VWA3A: variants seen among roughly 807,000 people sequenced by gnomAD.
VWA3A encodes von Willebrand factor A domain-containing protein 3A.
In VWA3A, 134 loss-of-function variants were observed where a neutral mutation model predicts 160.4. The ratio of observed to expected loss-of-function variants is 0.84; its 90% CI spans 0.73 to 0.96. The LOEUF is 0.96. Ranked by LOEUF, VWA3A falls within the 40% of genes least tolerant of loss-of-function variation. The probability of loss-of-function intolerance (pLI) is 0.00; values close to 1 mark genes in which losing one functional copy is unlikely to be tolerated. For missense variants in VWA3A, 1,310 were observed against 1,447.9 expected (o/e 0.90, Z 1.55); for synonymous variants, 476 against 543.4 (o/e 0.88, Z 1.72).
chr16:22,123,353 T>TAA (rs889354040), intron 15 of VWA3A, 188 bp downstream of exon 15: 164 of 1,005,800 alleles, frequency 1.6e-4, no homozygotes, highest in Middle Eastern at 2.3e-4. Context: ...TCAATGCCTT[T>TAA]AAAAAAAAAA....
intron 31 of VWA3A, among the ~76,000 whole-genome samples, chr16:22,154,323 C>CT (rs988862954): frequency 0.02 from 1,472 of 73,750 alleles, 10 homozygotes; most frequent in Non-Finnish European, 0.026. Flanking sequence ...TTTTCTTTTT[C>CT]TTTTTTTTTT....
At chr16:22,126,612 A>G (rs997247383) in intron 17 of VWA3A, among the ~76,000 whole-genome samples, 1 of 152,158 alleles carries the variant, frequency 6.6e-6, no homozygotes, top group African/African-American at 2.4e-5. Context: ...GAGGAAAGGA[A>G]GGACCCCAGC....
At chr16:22,106,340 G>A (rs1014485590) in intron 6 of VWA3A, among the ~76,000 whole-genome samples, 10 of 151,998 alleles carry the variant, frequency 6.6e-5, no homozygotes, top group South Asian at 2.1e-4. Flanking sequence ...AGCCGAGATC[G>A]TGCCACTGCA....
At position 22,141,825 on chromosome 16, in the gene VWA3A, G is replaced by A. The variant is rs138585970; in HGVS notation, c.2494+133G>A. 929 of 674,360 alleles carry A rather than the reference G, an allele frequency of 1.4e-3. 12 individuals carry two copies. In the African/African-American group the frequency reaches 0.014, roughly 10 times the overall value. The allele number at this position is 674,360 out of a possible 1,614,324, so 41.8% of individuals were successfully genotyped here. On this transcript the variant is annotated intron_variant, in intron 24 of 33. Coordinates refer to ENST00000389398, the MANE Select transcript of VWA3A (RefSeq NM_173615.5). ...GGCACTGGTGCCTCTGGAGCAAGCC[G>A]TACTCAACTCAGTTCTCCCAGCCCT...
rs770796122 is a variant in VWA3A, at chr16:22,115,423, A to T, written c.766A>T (p.Ile256Phe). The T allele has an allele frequency of 2.0e-5, 32 of 1,606,874 alleles. No individual in the cohort carries two copies. Among genetic ancestry groups the T allele is most frequent in the Non-Finnish European group, 2.5e-5 (30 of 1,176,794 alleles). The change falls in exon 9 of 34, where the codon ATC becomes TTC. Residue 256 changes from isoleucine (I) to phenylalanine (F), a missense_variant. Ile to Phe is a conservative substitution (Grantham distance 21). Coordinates refer to ENST00000389398, the MANE Select transcript of VWA3A (RefSeq NM_173615.5). ...GSNLLQALKK[I>F]FTLKGLDSLV... The stretch of plus-strand genomic sequence containing the variant: ...CAACCTGCTACAAGCTCTGAAGAAG[A>T]TCTTCACTCTCAAGGGACTGGATTC...
intron 3 of VWA3A, 146 bp from the exon 4 acceptor site, chr16:22,100,048 C>T: frequency 1.0e-6 from 1 of 1,000,394 alleles, no homozygotes; most frequent in Non-Finnish European, 1.4e-6. Context: ...GCACTCTAGC[C>T]TTGGTGACAA....
intron 3 of VWA3A, among the ~76,000 whole-genome samples, chr16:22,099,257 A>C (rs1288514212): frequency 6.6e-6 from 1 of 152,210 alleles, no homozygotes; most frequent in Non-Finnish European, 1.5e-5. Context: ...CAAGGGCAGG[A>C]CATTTGTTAG....
At chr16:22,111,164 C>T (rs1598054924) in intron 8 of VWA3A, among the ~76,000 whole-genome samples, 170 bp downstream of exon 8, 2 of 152,202 alleles carry the variant, frequency 1.3e-5, no homozygotes, top group Admixed American at 1.3e-4. Context: ...TGTCTACCCT[C>T]GTGAGCGGTT....
At chr16:22,145,783 A>C (rs1309689371) in intron 26 of VWA3A, among the ~76,000 whole-genome samples, 6 of 152,116 alleles carry the variant, frequency 3.9e-5, no homozygotes, top group East Asian at 3.8e-4. Context: ...TTTAAACAAA[A>C]AAAAAAAATA....
At chr16:22,116,991 C>T in intron 10 of VWA3A, 120 bp from the exon 11 acceptor site, 2 of 1,423,286 alleles carry the variant, frequency 1.4e-6, no homozygotes, top group South Asian at 2.5e-5. Flanking sequence ...GTCCCTGTGC[C>T]TGGTTCTCCC....
chr16:22,147,499 A>G (rs1190475735), intron 27 of VWA3A: 1 of 684,194 alleles, frequency 1.5e-6, no homozygotes, highest in African/African-American at 1.8e-5. Context: ...AGGAGGGAGG[A>G]AGGGAGTCCT....
chr16:22,100,375 C>T, intron 4 of VWA3A, 41 bp from the exon 5 acceptor site: 1 of 1,551,686 alleles, frequency 6.4e-7, no homozygotes, highest in East Asian at 2.4e-5. Flanking sequence ...ATGCAACCCC[C>T]TGGGCCCGAG....
chr16:22,123,173 A>G lies in VWA3A; in HGVS notation c.1437+8A>G, dbSNP rs972325761. 6.3e-7 allele frequency: 1 copy of G among 1,594,988 alleles called. No individual in the cohort carries two copies. Among genetic ancestry groups the G allele is most frequent in the Non-Finnish European group, 8.5e-7 (1 of 1,169,988 alleles). On this transcript the variant is annotated splice_region_variant and intron_variant, in intron 15 of 33. Transcript: ENST00000389398. ...TTCCTCTATAAGTACCAGGTCAGTG[A>G]TGGGTTCAATCAGTCAGAAAATGGG...
intron 1 of VWA3A, among the ~76,000 whole-genome samples, chr16:22,094,483 G>T (rs1186935308): frequency 6.6e-6 from 1 of 152,040 alleles, no homozygotes; most frequent in African/African-American, 2.4e-5. Context: ...ACTCTAAGTT[G>T]CAACTTTATT....
chr16:22,124,577 A>ATTATT (rs1312130520), intron 16 of VWA3A, among the ~76,000 whole-genome samples: 1 of 143,836 alleles, frequency 7.0e-6, no homozygotes, highest in Admixed American at 7.0e-5. Flanking sequence ...TATTATTATT[A>ATTATT]GAGACAGAGT....
chr16:22,150,975 G>T, intron 30 of VWA3A, 129 bp downstream of exon 30: 2 of 1,173,940 alleles, frequency 1.7e-6, no homozygotes, highest in African/African-American at 1.6e-5. Context: ...CCCTAATCCT[G>T]TAAATCAGAA....
In VWA3A at chr16:22,110,847, C is replaced by G. The variant is rs370691531; in HGVS notation, c.583-41C>G. ...GAGAGGCAAAGCCAGGCTCCCGATT[C>G]CCCTGGCTGTGGGAGCCAGTGATGT... On this transcript the variant is annotated intron_variant, in intron 7 of 33. Coordinates refer to ENST00000389398, the MANE Select transcript of VWA3A (RefSeq NM_173615.5). 504 of 1,552,112 alleles carry G rather than the reference C, an allele frequency of 3.2e-4. 1 individual carries two copies. Among genetic ancestry groups the G allele is most frequent in the Non-Finnish European group, 4.2e-4 (486 of 1,143,992 alleles).
At chr16:22,106,661 C>G (rs1278130340) in intron 6 of VWA3A, among the ~76,000 whole-genome samples, 1 of 152,080 alleles carries the variant, frequency 6.6e-6, no homozygotes, top group Non-Finnish European at 1.5e-5. Flanking sequence ...TCCGGGAGGG[C>G]CTGATTCCAA....
At chr16:22,141,059 C>T (rs1158224078) in intron 23 of VWA3A, 1 of 371,164 alleles carries the variant, frequency 2.7e-6, no homozygotes, top group African/African-American at 2.1e-5. Flanking sequence ...TGTATTCTAT[C>T]AGCTTCCTAT....
Sources: gnomAD v4.1 joint callset for allele counts (sites outside exome capture counted in the v4.1 genomes callset) on GRCh38, gnomAD v4.1.1 for gene constraint, MANE v1.5 for transcripts, NCBI Gene and HGNC (gene_info 2026-07-23, HGNC 2026-07-21) for gene names.